The following RNF157 variants were observed in gnomAD, a reference collection of about 807,000 sequenced individuals.
The protein encoded by RNF157 is ring finger protein 157.
RNF157 carries 55 observed loss-of-function variants against 88.3 expected under a neutral mutation model. The ratio of observed to expected loss-of-function variants is 0.62; its 90% CI spans 0.50 to 0.78. The LOEUF is 0.78. Ranked by LOEUF, RNF157 falls within the 30% of genes least tolerant of loss-of-function variation. The pLI is 0.00. For missense variants in RNF157, 788 were observed against 860.8 expected, an observed-to-expected ratio of 0.92 and a Z score of 1.06; for synonymous variants, 334 against 341.2, an observed-to-expected ratio of 0.98 and a Z score of 0.23.
intron 18 of RNF157, 61 bp from the exon 19 acceptor site, chr17:76,145,414 TC>T: frequency 7.6e-7 from 1 of 1,317,232 alleles, no homozygotes; most frequent in Non-Finnish European, 1.1e-6. Flanking sequence ...AGATGGTGTC[TC>T]CAGCAGGGCA....
Position 76,156,327 on chromosome 17 carries a change from G to A in RNF157, c.1414-6C>T. The A allele has an allele frequency of 3.1e-6, 5 of 1,613,970 alleles. No individual in the cohort carries two copies. Among genetic ancestry groups the A allele is most frequent in the Non-Finnish European group, 4.2e-6 (5 of 1,179,954 alleles). On this transcript the variant is annotated splice_polypyrimidine_tract_variant and splice_region_variant and intron_variant, in intron 13 of 18. Transcript: ENST00000269391. ...TCTGGAGTCACACCACATTCCTGGG[G>A]GTTGTGGGGGGACACAACAGGACAT...
intron 1 of RNF157, among the ~76,000 whole-genome samples, chr17:76,216,847 C>T (rs111707425): frequency 1.3e-5 from 2 of 151,664 alleles, no homozygotes; most frequent in Admixed American, 1.3e-4. Flanking sequence ...GCCATGACTG[C>T]GCCATTACAT....
chr17:76,197,294 T>G (rs1166100345), intron 2 of RNF157, among the ~76,000 whole-genome samples: 1 of 152,192 alleles, frequency 6.6e-6, no homozygotes. Context: ...ACTGTGAAAC[T>G]GGGTGACTGC....
chr17:76,196,340 C>T (rs977483884), intron 2 of RNF157, among the ~76,000 whole-genome samples: 2 of 152,164 alleles, frequency 1.3e-5, no homozygotes, highest in Non-Finnish European at 2.9e-5. Flanking sequence ...GTTAGGATTG[C>T]GGTTACCTTA....
At chr17:76,145,652 GT>G (rs2068574052) in intron 18 of RNF157, 10 of 341,696 alleles carry the variant, frequency 2.9e-5, no homozygotes, top group Non-Finnish European at 4.8e-5. Context: ...ATCCACTTTT[GT>G]ATTTTAATTA....
chr17:76,146,698 G>GT lies in RNF157; in HGVS notation c.1922-1346dup. Reference sequence around the variant, plus strand: ...CACGTCACATGGCAGAAACCGCTAGGTCCTGGAGCTCCTCCATGGGACAAA... The same window carrying GT: ...CACGTCACATGGCAGAAACCGCTAGGTTCCTGGAGCTCCTCCATGGGACAAA... On this transcript the variant is annotated intron_variant, in intron 18 of 18. Transcript: ENST00000269391. This position sits in a 1 kb window ranked among gnomAD's most constrained non-coding sequence, Gnocchi z 4.2. 2.0e-6 allele frequency: 2 copies of GT among 985,476 alleles called. No individual in the cohort carries two copies. Among genetic ancestry groups the GT allele is most frequent in the Non-Finnish European group, 2.4e-6 (2 of 829,938 alleles). The allele number at this position is 985,476 out of a possible 1,614,324, so 61.0% of individuals were successfully genotyped here.
At chr17:76,211,733 A>G (rs1382181267) in intron 2 of RNF157, 1 of 152,300 alleles carries the variant, frequency 6.6e-6, no homozygotes, top group Non-Finnish European at 1.5e-5. Flanking sequence ...CCTTCCTAGC[A>G]CACGGTAGCC....
At chr17:76,235,777 G>A (rs145139083) in intron 1 of RNF157, among the ~76,000 whole-genome samples, 60 of 152,278 alleles carry the variant, frequency 3.9e-4, no homozygotes, top group Non-Finnish European at 7.2e-4. Flanking sequence ...GGGACCCCGA[G>A]GTGGGAGGAC....
intron 2 of RNF157, among the ~76,000 whole-genome samples, chr17:76,185,093 T>G (rs1046410559): frequency 2.6e-5 from 4 of 152,236 alleles, no homozygotes; most frequent in Non-Finnish European, 5.9e-5. Flanking sequence ...ATATCTCTCC[T>G]TATGTTTTAG....
At chr17:76,145,500 G>T (rs772356017) in intron 18 of RNF157, 147 bp from the exon 19 acceptor site, 5 of 604,630 alleles carry the variant, frequency 8.3e-6, no homozygotes, top group Non-Finnish European at 1.5e-5. Context: ...CACAGCACTC[G>T]TGTGTGAGAA....
intron 2 of RNF157, among the ~76,000 whole-genome samples, chr17:76,184,397 C>T (rs1297105254): frequency 1.3e-5 from 2 of 151,924 alleles, no homozygotes; most frequent in Non-Finnish European, 2.9e-5. Flanking sequence ...GTTATTTTCC[C>T]AGCTTTCTCT....
intron 2 of RNF157, among the ~76,000 whole-genome samples, chr17:76,191,600 CAAAA>C (rs71363619): frequency 1.5e-5 from 1 of 65,252 alleles, no homozygotes. Flanking sequence ...GACTCCGCCT[CAAAA>C]AAAAAAAAAA....
intron 2 of RNF157, among the ~76,000 whole-genome samples, chr17:76,204,047 G>C (rs1049228070): frequency 3.3e-5 from 5 of 152,104 alleles, no homozygotes; most frequent in African/African-American, 9.7e-5. Context: ...GATTACAGGC[G>C]TGAGCCACCG....
At chr17:76,201,225 C>A (rs1480396461) in intron 2 of RNF157, among the ~76,000 whole-genome samples, 1 of 151,230 alleles carries the variant, frequency 6.6e-6, no homozygotes, top group African/African-American at 2.4e-5. Context: ...GTGGCTCACA[C>A]CTGTAATCCC....
chr17:76,223,440 G>A (rs6501865), intron 1 of RNF157, among the ~76,000 whole-genome samples: 20,546 of 151,954 alleles, frequency 0.14, 2,026 homozygotes, highest in African/African-American at 0.26. Context: ...CATCCGCCTC[G>A]GCCTCCCAAA....
chr17:76,219,600 C>T (rs2069946996), intron 1 of RNF157, among the ~76,000 whole-genome samples: 1 of 152,026 alleles, frequency 6.6e-6, no homozygotes, highest in Admixed American at 6.6e-5. Context: ...TATGTATCTA[C>T]CACTGGAACC....
At chr17:76,225,630 C>G in intron 1 of RNF157, 2 of 866,112 alleles carry the variant, frequency 2.3e-6, no homozygotes, top group Non-Finnish European at 3.4e-6. Flanking sequence ...ATGGCATGAC[C>G]TCATTGTTTT....
chr17:76,154,022 A>C (rs1392479240), intron 17 of RNF157: 1 of 435,446 alleles, frequency 2.3e-6, no homozygotes, highest in Non-Finnish European at 4.2e-6. Context: ...ACTTCAGGTA[A>C]ATATGGACCT....
chr17:76,222,802 T>C (rs2070008768), intron 1 of RNF157, among the ~76,000 whole-genome samples: 1 of 152,088 alleles, frequency 6.6e-6, no homozygotes, highest in South Asian at 2.1e-4. Flanking sequence ...AGCATGTGTG[T>C]GAGAGAAATG....
Sources: allele counts gnomAD v4.1 joint callset (sites outside exome capture counted in the v4.1 genomes callset), GRCh38; gene constraint gnomAD v4.1.1; non-coding constraint Gnocchi (gnomAD v3.1); transcripts MANE v1.5; gene names NCBI Gene and HGNC (gene_info 2026-07-23, HGNC 2026-07-21).